Variants in H2AZ2 observed in about 807,000 individuals in gnomAD.
H2AZ2 encodes the protein H2A.Z variant histone 2.
H2AZ2 carries 5 observed loss-of-function variants against 15.5 expected under a neutral mutation model. The ratio of observed to expected loss-of-function variants is 0.32; its 90% CI spans 0.17 to 0.68. The LOEUF (loss-of-function observed/expected upper bound fraction) is 0.68. Among genes scored for constraint, H2AZ2 ranks in the 30% least tolerant of loss-of-function variants. The pLI is 0.72. For synonymous variants in H2AZ2, 44 were observed against 57.4 expected, an observed-to-expected ratio of 0.77 and a Z score of 1.05; for missense variants, 42 against 162.5, an observed-to-expected ratio of 0.26 and a Z score of 4.03.
At chr7:44,831,357 G>GT (rs1192915987), downstream of H2AZ2, among the ~76,000 whole-genome samples, 2 of 152,062 alleles carry the variant, frequency 1.3e-5, no homozygotes, top group Admixed American at 6.6e-5. Context: ...CTATTTCTAT[G>GT]TTTTTTGTTA....
At position 44,835,611 on chromosome 7, in the gene H2AZ2, A is replaced by T; in HGVS notation, c.243T>A (p.Arg81=). ...CAAGCTGCAAGTGACGCGGAGTGAT[A>T]CGCTTTACTTTGAGATCCTTAGAAG... ...GNASKDLKVK[R]ITPRHLQLAI... The change falls in exon 4 of 5, where the codon CGT becomes CGA. Residue 81 remains arginine (R), a synonymous_variant. Coordinates refer to ENST00000308153, the MANE Select transcript of H2AZ2 (RefSeq NM_012412.5). 1.2e-6 allele frequency: 2 copies of T among 1,613,444 alleles called. No individual in the cohort carries two copies. The highest frequency in any genetic ancestry group is 1.7e-6 in the Non-Finnish European group (2 of 1,179,610).
intron 3 of H2AZ2, among the ~76,000 whole-genome samples, chr7:44,840,002 A>AAAATAAATAAAT (rs149563809): frequency 1.0e-3 from 149 of 142,042 alleles, no homozygotes; most frequent in South Asian, 4.0e-3. Context: ...ACCCTGTCTC[A>AAAATAAATAAAT]AAATAAATAA....
At chr7:44,828,248 C>T (rs576727844), downstream of H2AZ2, 10 of 152,252 alleles carry the variant, frequency 6.6e-5, no homozygotes, top group East Asian at 1.9e-4. Flanking sequence ...TGATTCTTAA[C>T]GACCTTGGTA....
In H2AZ2 at chr7:44,843,622, G is replaced by A. The variant is rs549352013; in HGVS notation, c.4-268C>T. On this transcript the variant is annotated intron_variant, in intron 1 of 4. Transcript: ENST00000308153. ...TGCCCAGGCTGGAGTGCAGTGGTGC[G>A]ACCTTGACTCACTGCAAACTCCACC... 1.2e-4 allele frequency among the ~76,000 whole-genome samples: 18 copies of A among 152,156 alleles called. No individual in the cohort carries two copies. The South Asian group carries it at 2.7e-3, about 23-fold the overall frequency.
chr7:44,846,030 C>CACACACACAT (rs1562790028), intron 1 of H2AZ2, among the ~76,000 whole-genome samples: 13 of 79,568 alleles, frequency 1.6e-4, no homozygotes, highest in Non-Finnish European at 3.3e-4. Flanking sequence ...AAATTACACA[C>CACACACACAT]ACACACACAC....
At chr7:44,839,613 C>G (rs1410636020) in intron 3 of H2AZ2, among the ~76,000 whole-genome samples, 4 of 149,896 alleles carry the variant, frequency 2.7e-5, no homozygotes, top group Non-Finnish European at 5.9e-5. Flanking sequence ...ATCCGGGAGG[C>G]GGAGGTTGCA....
downstream of H2AZ2, among the ~76,000 whole-genome samples, chr7:44,831,541 C>T (rs1583708776): frequency 6.6e-6 from 1 of 151,120 alleles, no homozygotes; most frequent in African/African-American, 2.4e-5. Context: ...CCCCCCCCCG[C>T]TTCTTTTTTT....
chr7:44,846,062 C>CACACACACAGAGAGAGAGAGAG (rs57468916), intron 1 of H2AZ2, among the ~76,000 whole-genome samples: 5 of 75,058 alleles, frequency 6.7e-5, no homozygotes, highest in South Asian at 3.7e-4. Flanking sequence ...CACACACACA[C>CACACACACAGAGAGAGAGAGAG]AGAGAGAGAC....
At chr7:44,835,731 T>C in intron 3 of H2AZ2, 73 bp from the exon 4 acceptor site, 2 of 1,363,816 alleles carry the variant, frequency 1.5e-6, no homozygotes, top group South Asian at 1.5e-5. Flanking sequence ...TTAGCATTTG[T>C]ACATACAAAA....
At chr7:44,846,056 C>CAGAG (rs1172162419) in intron 1 of H2AZ2, among the ~76,000 whole-genome samples, 2 of 91,716 alleles carry the variant, frequency 2.2e-5, no homozygotes, top group South Asian at 3.0e-4. Flanking sequence ...CACACACACA[C>CAGAG]ACACACAGAG....
Position 44,834,295 on chromosome 7 carries a change from T to TCAA in H2AZ2, c.*203_*205dup. Reference sequence around the variant, plus strand: ...AAACACACGGGAGAAACCTAGCCAATCAACACACAACTGTCACCACATGAA... The same window carrying TCAA: ...AAACACACGGGAGAAACCTAGCCAATCAACAACACACAACTGTCACCACATGAA... On this transcript the variant is annotated 3_prime_UTR_variant, in exon 5 of 5. Coordinates refer to ENST00000308153, the MANE Select transcript of H2AZ2 (RefSeq NM_012412.5). 7.8e-7 allele frequency: 1 copy of TCAA among 1,287,204 alleles called. No individual in the cohort carries two copies. The highest frequency in any genetic ancestry group is 3.5e-5 in the Admixed American group (1 of 28,532). 79.7% of individuals were successfully genotyped at this position (1,287,204 alleles called of 1,614,324 possible). A position where few individuals can be genotyped will look rare whatever the true frequency, so the allele number is the denominator to read the frequency against.
chr7:44,842,030 T>C (rs992545620), intron 2 of H2AZ2, among the ~76,000 whole-genome samples: 1 of 152,236 alleles, frequency 6.6e-6, no homozygotes, highest in African/African-American at 2.4e-5. Flanking sequence ...CAGTGACATT[T>C]TACTTCCTTA....
Position 44,833,398 on chromosome 7 carries a change from A to G in H2AZ2, c.*1103T>C, listed in dbSNP as rs1460843552. 1.3e-5 allele frequency among the ~76,000 whole-genome samples: 2 copies of G among 151,524 alleles called. No individual in the cohort carries two copies. The highest frequency in any genetic ancestry group is 4.9e-5 in the African/African-American group (2 of 40,982). The stretch of plus-strand genomic sequence containing the variant: ...CAGGCGCGTGCCACCACACCCGGCT[A>G]ATTTTTTGTATTTTTTTAAATAGAG... On this transcript the variant is annotated 3_prime_UTR_variant, in exon 5 of 5. Coordinates refer to ENST00000308153, the MANE Select transcript of H2AZ2 (RefSeq NM_012412.5).
chr7:44,828,909 C>A (rs1409591749), downstream of H2AZ2: 2 of 152,224 alleles, frequency 1.3e-5, no homozygotes, highest in Non-Finnish European at 2.9e-5. Flanking sequence ...GCCCCTCTAT[C>A]TTCAAGTCAG....
chr7:44,830,265 T>C, downstream of H2AZ2: 3 of 1,145,094 alleles, frequency 2.6e-6, no homozygotes, highest in Non-Finnish European at 1.3e-6. Context: ...ACAAGTAAAA[T>C]GTTAACTATA....
rs1052638630 is a variant in H2AZ2 at position 44,834,469 on chromosome 7, C to T, written c.*32G>A. On this transcript the variant is annotated 3_prime_UTR_variant, in exon 5 of 5. Transcript: ENST00000308153. ...TTCTGTCCCAGTTACAGTACAATGACGGGGAGGAAGAGGGTTGGTTAAAGC... is the reference window on the plus strand; with the variant it reads ...TTCTGTCCCAGTTACAGTACAATGATGGGGAGGAAGAGGGTTGGTTAAAGC... 29 of 1,600,174 alleles carry T rather than the reference C, an allele frequency of 1.8e-5. No individual in the cohort carries two copies. The highest frequency in any genetic ancestry group is 4.0e-5 in the African/African-American group (3 of 74,412).
At chr7:44,839,451 T>C (rs1793215397) in intron 3 of H2AZ2, among the ~76,000 whole-genome samples, 1 of 151,212 alleles carries the variant, frequency 6.6e-6, no homozygotes, top group African/African-American at 2.4e-5. Context: ...TGGAGGTGGG[T>C]GGCTCACGAG....
chr7:44,838,808 A>T (rs896542747), intron 3 of H2AZ2, among the ~76,000 whole-genome samples: 2 of 152,252 alleles, frequency 1.3e-5, no homozygotes, highest in Non-Finnish European at 2.9e-5. Flanking sequence ...CAGCAATGAT[A>T]ACTGACATAC....
chr7:44,841,008 G>A lies in H2AZ2; in HGVS notation c.86C>T (p.Pro29Leu). Residue 29 changes from proline to leucine, a missense_variant, in exon 3 of 5, where the codon CCT becomes CTT. By Grantham distance (98) the Pro-to-Leu change is moderately conservative (BLOSUM62 -3). Transcript: ENST00000308153. The part of the protein sequence containing the change: ...SRSQRAGLQF[P>L]VGRIHRHLKT... ...CAAGTGTCTGTGGATGCGGCCCACA[G>A]GAAACTAAAAGAGAGATGTCTTAGT... 6.2e-7 allele frequency: 1 copy of A among 1,613,248 alleles called. No individual in the cohort carries two copies. The highest frequency in any genetic ancestry group is 8.5e-7 in the Non-Finnish European group (1 of 1,179,272).
Sources: allele counts gnomAD v4.1 joint callset (sites outside exome capture counted in the v4.1 genomes callset), GRCh38; gene constraint gnomAD v4.1.1; transcripts MANE v1.5; gene names NCBI Gene and HGNC (gene_info 2026-07-23, HGNC 2026-07-21).